PXDNL: variants seen among roughly 807,000 people sequenced by gnomAD.
The protein encoded by PXDNL is peroxidasin like.
PXDNL carries 145 observed loss-of-function variants against 150.8 expected under a neutral mutation model. The ratio of observed to expected loss-of-function variants is 0.96; its 90% CI spans 0.84 to 1.10. The LOEUF is 1.10. PXDNL is among the 50% of genes least tolerant of loss of function. The probability of loss-of-function intolerance (pLI) is 0.00; values close to 1 mark genes in which losing one functional copy is unlikely to be tolerated. For synonymous variants in PXDNL, 757 were observed against 725.7 expected, an observed-to-expected ratio of 1.04 and a Z score of -0.69; for missense variants, 2,087 against 1,873.9, an observed-to-expected ratio of 1.11 and a Z score of -2.10.
At chr8:51,554,783 T>C (rs1258535179) in intron 4 of PXDNL, among the ~76,000 whole-genome samples, 1 of 152,198 alleles carries the variant, frequency 6.6e-6, no homozygotes, top group Non-Finnish European at 1.5e-5. Flanking sequence ...AGAATTGCCT[T>C]ACTGTCCATA....
intron 1 of PXDNL, among the ~76,000 whole-genome samples, chr8:51,733,978 A>T (rs917064031): frequency 2.0e-5 from 3 of 151,728 alleles, no homozygotes; most frequent in Non-Finnish European, 4.4e-5. Context: ...TATGTTAATA[A>T]ACATCTTGAA....
chr8:51,754,416 G>C (rs2037077876), intron 1 of PXDNL, among the ~76,000 whole-genome samples: 1 of 152,306 alleles, frequency 6.6e-6, no homozygotes, highest in African/African-American at 2.4e-5. Context: ...CCTGCCCAAG[G>C]GCAGGGGAAA....
At chr8:51,588,655 G>C (rs1172529623) in intron 3 of PXDNL, among the ~76,000 whole-genome samples, 1 of 152,150 alleles carries the variant, frequency 6.6e-6, no homozygotes, top group Non-Finnish European at 1.5e-5. Context: ...CTAGTAATGA[G>C]ATTCCTTCTA....
chr8:51,379,034 C>T (rs111656644), intron 17 of PXDNL, among the ~76,000 whole-genome samples: 22 of 152,270 alleles, frequency 1.4e-4, no homozygotes, highest in African/African-American at 4.8e-4. Flanking sequence ...CTTGCCACAG[C>T]GCTAGGACTC....
chr8:51,607,048 AT>A (rs957629733), intron 2 of PXDNL, among the ~76,000 whole-genome samples: 35 of 152,146 alleles, frequency 2.3e-4, no homozygotes, highest in African/African-American at 7.2e-4. Flanking sequence ...TGTGTTTGGG[AT>A]TTTTTTTCTG....
chr8:51,648,521 G>A (rs2130792197), intron 2 of PXDNL, among the ~76,000 whole-genome samples: 1 of 152,326 alleles, frequency 6.6e-6, no homozygotes, highest in East Asian at 1.9e-4. Context: ...AGAGCCTCTG[G>A]AGGGAAGGCA....
At chr8:51,666,705 C>T (rs1585660149) in intron 1 of PXDNL, among the ~76,000 whole-genome samples, 1 of 152,280 alleles carries the variant, frequency 6.6e-6, no homozygotes, top group East Asian at 1.9e-4. Flanking sequence ...TGACCCTACA[C>T]ATCCATGCAG....
At chr8:51,361,890 G>A (rs1370445937) in intron 19 of PXDNL, among the ~76,000 whole-genome samples, 1 of 122,354 alleles carries the variant, frequency 8.2e-6, no homozygotes, top group African/African-American at 3.1e-5. Context: ...TGAACCGCAG[G>A]TCTTGCCACT....
At chr8:51,333,829 A>G (rs563563006) in intron 21 of PXDNL, among the ~76,000 whole-genome samples, 3 of 152,272 alleles carry the variant, frequency 2.0e-5, no homozygotes, top group Non-Finnish European at 4.4e-5. Flanking sequence ...ACAATTACTA[A>G]TAGACCAAAG....
intron 1 of PXDNL, among the ~76,000 whole-genome samples, chr8:51,790,333 A>G (rs1264597694): frequency 6.6e-6 from 1 of 152,160 alleles, no homozygotes; most frequent in Non-Finnish European, 1.5e-5. Flanking sequence ...GATTTCCTCC[A>G]CCACAAAGTG....
At position 51,614,957 on chromosome 8, in the gene PXDNL, CAG is replaced by C. The variant is rs575390096; in HGVS notation, c.237-22261_237-22260del. On this transcript the variant is annotated intron_variant, in intron 2 of 22. Transcript: ENST00000356297. ...CATTTTCAGTTAATTTGAATAAAAACAGATATTTTGGTTATTAATTATGTGCT... is the reference window on the plus strand; with the variant it reads ...CATTTTCAGTTAATTTGAATAAAAACATATTTTGGTTATTAATTATGTGCT... 1.6e-3 allele frequency among the ~76,000 whole-genome samples: 246 copies of C among 152,198 alleles called. 1 individual carries two copies. The highest frequency in any genetic ancestry group is 5.3e-3 in the African/African-American group (220 of 41,540).
chr8:51,357,048 A>G (rs1806531254), intron 19 of PXDNL, among the ~76,000 whole-genome samples: 1 of 152,172 alleles, frequency 6.6e-6, no homozygotes, highest in Non-Finnish European at 1.5e-5. Context: ...TTGTTTTGAC[A>G]TAATTTGGAC....
chr8:51,491,283 A>G (rs1241253731), intron 5 of PXDNL, among the ~76,000 whole-genome samples: 1 of 152,148 alleles, frequency 6.6e-6, no homozygotes, highest in Non-Finnish European at 1.5e-5. Context: ...TATCCTATTA[A>G]TTCTGTCCCT....
intron 4 of PXDNL, among the ~76,000 whole-genome samples, chr8:51,553,771 T>TATATATATACACAC (rs1236843720): frequency 1.6e-3 from 104 of 63,774 alleles, no homozygotes; most frequent in African/African-American, 9.3e-3. Context: ...TATATATATA[T>TATATATATACACAC]ACACACACTG....
intron 4 of PXDNL, among the ~76,000 whole-genome samples, chr8:51,528,088 C>T (rs1472465379): frequency 6.6e-6 from 1 of 152,086 alleles, no homozygotes; most frequent in Non-Finnish European, 1.5e-5. Flanking sequence ...ATATTACAAC[C>T]AGGAGAGGAT....
intron 1 of PXDNL, among the ~76,000 whole-genome samples, chr8:51,786,951 C>G (rs2037465759): frequency 6.6e-6 from 1 of 152,104 alleles, no homozygotes; most frequent in Non-Finnish European, 1.5e-5. Flanking sequence ...TTTATTTACC[C>G]TTCTTAAGAT....
intron 21 of PXDNL, among the ~76,000 whole-genome samples, chr8:51,326,897 A>G (rs567741260): frequency 5.3e-5 from 8 of 152,304 alleles, no homozygotes; most frequent in African/African-American, 1.9e-4. Flanking sequence ...GTTATGATAA[A>G]GTCAGAGTAG....
At chr8:51,637,393 A>T (rs181162919) in intron 2 of PXDNL, among the ~76,000 whole-genome samples, 180 of 152,292 alleles carry the variant, frequency 1.2e-3, no homozygotes, top group African/African-American at 4.1e-3. Flanking sequence ...TCAGACGATC[A>T]AACTTACCTG....
intron 14 of PXDNL, among the ~76,000 whole-genome samples, chr8:51,418,125 G>A (rs945644417): frequency 1.3e-5 from 2 of 152,106 alleles, no homozygotes; most frequent in African/African-American, 4.8e-5. Context: ...TGTATAAAAT[G>A]GATGAGAAAT....
Sources: allele counts gnomAD v4.1 joint callset (sites outside exome capture counted in the v4.1 genomes callset), GRCh38; gene constraint gnomAD v4.1.1; transcripts MANE v1.5; gene names NCBI Gene and HGNC (gene_info 2026-07-23, HGNC 2026-07-21).